Variants in AP2A1 observed in about 807,000 individuals in gnomAD.
AP2A1 encodes AP-2 complex subunit alpha-1.
AP2A1 carries 21 observed loss-of-function variants against 107.3 expected under a neutral mutation model. The ratio of observed to expected loss-of-function variants is 0.20; its 90% CI spans 0.14 to 0.28. The LOEUF (loss-of-function observed/expected upper bound fraction) is 0.28. AP2A1 is among the 10% of genes least tolerant of loss of function. The pLI, the probability that AP2A1 is intolerant of heterozygous loss-of-function variation, is 1.00. For synonymous variants in AP2A1, 602 were observed against 564.8 expected, an observed-to-expected ratio of 1.07 and a Z score of -0.93; for missense variants, 873 against 1,307.7, an observed-to-expected ratio of 0.67 and a Z score of 5.13.
In AP2A1 at chr19:49,802,636, G is replaced by C. The variant is rs757646981; in HGVS notation, c.2115-313G>C. On this transcript the variant is annotated intron_variant, in intron 15 of 22. Coordinates refer to ENST00000354293, the MANE Select transcript of AP2A1 (RefSeq NM_130787.3). Reference sequence around the variant, plus strand: ...CCTGGGGTGGGAGGTCGGTCGGGGGGGCGGACTCGGGTGTCCCCAGGGAGA... The same window carrying C: ...CCTGGGGTGGGAGGTCGGTCGGGGGCGCGGACTCGGGTGTCCCCAGGGAGA... 3 of 1,507,910 alleles carry C rather than the reference G, an allele frequency of 2.0e-6. No individual in the cohort carries two copies. In the Admixed American group the frequency reaches 6.1e-5, roughly 31 times the overall value. The allele number at this position is 1,507,910 out of a possible 1,614,324, so 93.4% of individuals were successfully genotyped here.
At position 49,800,115 on chromosome 19, in the gene AP2A1, G is replaced by A. The variant is rs773683243; in HGVS notation, c.1420G>A (p.Asp474Asn). The A allele has an allele frequency of 6.2e-7, 1 of 1,613,744 alleles. No individual in the cohort carries two copies. The highest frequency in any genetic ancestry group is 1.1e-5 in the South Asian group (1 of 91,046). ...RVLQIVTNRD[D>N]VQGYAAKTVF... is the part of the protein sequence containing the mutation. ...GCTACAGATCGTCACCAACCGTGAT[G>A]ACGTCCAGGGCTATGCCGCCAAGAC... The change falls in exon 11 of 23, where the codon GAC (aspartate) becomes AAC (asparagine). Residue 474 changes from aspartate to asparagine, a missense_variant. Around this residue, in one of 4 missense-constraint regions of AP2A1, gnomAD observed 213 missense variants for 443.5 expected, o/e 0.48. Transcript: ENST00000354293.
chr19:49,787,680 G>C (rs375480419), intron 4 of AP2A1, among the ~76,000 whole-genome samples: 7 of 152,042 alleles, frequency 4.6e-5, no homozygotes, highest in African/African-American at 1.7e-4. Context: ...TCAGTTCAGT[G>C]GTTTCTAGTA....
rs1437761857 is a variant in AP2A1 at position 49,801,985 on chromosome 19, C to T, written c.1958C>T (p.Thr653Met). Residue 653 changes from threonine (T) to methionine (M), a missense_variant, in exon 15 of 23, where the codon ACG becomes ATG. Thr to Met is a moderately conservative substitution (Grantham distance 81). This residue lies in a region of AP2A1 where 416 missense variants were observed against 473.4 expected (regional missense o/e 0.88). Transcript: ENST00000354293. ...CGTGACCTGCGCTTCCTACAGTCGA[C>T]GCCCTCGCCCTCCGCCGACCTCCTG... ...GMEPTPSTVS[T>M]PSPSADLLGL... 2.7e-6 allele frequency: 4 copies of T among 1,507,200 alleles called. No individual in the cohort carries two copies. The highest frequency in any genetic ancestry group is 2.2e-5 in the Admixed American group (1 of 44,698). The allele number at this position is 1,507,200 out of a possible 1,614,324, so 93.4% of individuals were successfully genotyped here.
At chr19:49,775,160 C>T (rs775494847) in intron 1 of AP2A1, among the ~76,000 whole-genome samples, 5 of 151,824 alleles carry the variant, frequency 3.3e-5, no homozygotes, top group South Asian at 2.1e-4. Flanking sequence ...CCCAGGAGGT[C>T]GAGGTTGCAA....
chr19:49,781,984 T>C lies in AP2A1; in HGVS notation c.174T>C (p.Tyr58=), dbSNP rs754946999. ...TGGATGGCTACAGTAAGAAAAAATATGTGTGTAAACTGCTTTTCATCTTCC... is the reference window on the plus strand; with the variant it reads ...TGGATGGCTACAGTAAGAAAAAATACGTGTGTAAACTGCTTTTCATCTTCC... ...KALDGYSKKK[Y]VCKLLFIFLL... The change falls in exon 3 of 23, where the codon TAT becomes TAC. Residue 58 remains tyrosine, a synonymous_variant. Coordinates refer to ENST00000354293, the MANE Select transcript of AP2A1 (RefSeq NM_130787.3). 2.5e-6 allele frequency: 4 copies of C among 1,611,928 alleles called. No individual in the cohort carries two copies. The highest frequency in any genetic ancestry group is 1.1e-5 in the South Asian group (1 of 90,650).
intron 18 of AP2A1, chr19:49,803,727 C>T (rs775218876): frequency 8.5e-5 from 32 of 377,298 alleles, no homozygotes; most frequent in Non-Finnish European, 1.4e-4. Flanking sequence ...CGGGTCCAGA[C>T]GCTGATCAGG....
Position 49,803,707 on chromosome 19 carries a change from G to A in AP2A1, c.2344+331G>A, listed in dbSNP as rs1056325580. ...ATGCCAGCACCGCCTGCACTCAGGA[G>A]CCAGGCCTGCGGGTCCAGACGCTGA... On this transcript the variant is annotated intron_variant, in intron 18 of 22. Coordinates refer to ENST00000354293, the MANE Select transcript of AP2A1 (RefSeq NM_130787.3). 6 of 394,540 alleles carry A rather than the reference G, an allele frequency of 1.5e-5. No individual in the cohort carries two copies. In the East Asian group the frequency reaches 3.6e-4, roughly 24 times the overall value. The allele number at this position is 394,540 out of a possible 1,614,324, so 24.4% of individuals were successfully genotyped here.
chr19:49,776,199 C>G (rs1313402026), intron 1 of AP2A1, among the ~76,000 whole-genome samples: 2 of 152,028 alleles, frequency 1.3e-5, no homozygotes, highest in Non-Finnish European at 2.9e-5. Flanking sequence ...TCCACCCGCC[C>G]CCGCCGCCGC....
intron 1 of AP2A1, among the ~76,000 whole-genome samples, chr19:49,774,647 G>A (rs1346988673): frequency 6.6e-6 from 1 of 152,112 alleles, no homozygotes; most frequent in East Asian, 1.9e-4. Context: ...CAGGGGCCAG[G>A]TATGGTGGCT....
chr19:49,801,319 G>T (rs913381064), intron 12 of AP2A1, 71 bp from the exon 13 acceptor site: 24 of 1,463,108 alleles, frequency 1.6e-5, no homozygotes, highest in Non-Finnish European at 2.2e-5. Flanking sequence ...CTAGGGAGGG[G>T]CACCTCTCGA....
chr19:49,806,239 A>G lies in AP2A1; in HGVS notation c.2776A>G (p.Asn926Asp). 3.1e-6 allele frequency: 5 copies of G among 1,607,564 alleles called. No individual in the cohort carries two copies. Among genetic ancestry groups the G allele is most frequent in the Non-Finnish European group, 4.2e-6 (5 of 1,177,468 alleles). ...GGGCTGTCTGCTTCGGCTGGAGCCC[A>G]ATGCCCAGGCCCAGGTGAGTGCTGC... ...QVGCLLRLEP[N>D]AQAQMYRLTL... Residue 926 changes from asparagine to aspartate, a missense_variant, in exon 22 of 23, where the codon AAT (asparagine) becomes GAT (aspartate). This residue lies in a region of AP2A1 where 416 missense variants were observed against 473.4 expected (regional missense o/e 0.88). Coordinates refer to ENST00000354293, the MANE Select transcript of AP2A1 (RefSeq NM_130787.3).
intron 12 of AP2A1, 84 bp from the exon 13 acceptor site, chr19:49,801,306 A>G (rs1325195165): frequency 4.3e-6 from 6 of 1,395,354 alleles, no homozygotes; most frequent in Non-Finnish European, 5.9e-6. Context: ...GGACGGGTCC[A>G]TCCTAGGGAG....
Position 49,805,726 on chromosome 19 carries a change from C to G in AP2A1, c.2534C>G (p.Pro845Arg). 6 of 1,577,764 alleles carry G rather than the reference C, an allele frequency of 3.8e-6. No individual in the cohort carries two copies. Among genetic ancestry groups the G allele is most frequent in the Non-Finnish European group, 5.2e-6 (6 of 1,163,234 alleles). ...GTGACCATCAACAAGTTCTTCCAGC[C>G]CACCGAGATGGCGGCCCAGGATTTC... ...LPVTINKFFQ[P>R]TEMAAQDFFQ... is the part of the protein sequence containing the mutation. Residue 845 changes from proline (P) to arginine (R), a missense_variant, in exon 20 of 23, where the codon CCC becomes CGC. Pro to Arg is a moderately radical substitution (Grantham distance 103, BLOSUM62 -2). Around this residue, in one of 4 missense-constraint regions of AP2A1, gnomAD observed 416 missense variants for 473.4 expected, o/e 0.88. Transcript: ENST00000354293.
chr19:49,802,368 C>T, intron 15 of AP2A1: 1 of 892,094 alleles, frequency 1.1e-6, no homozygotes, highest in Non-Finnish European at 1.8e-6. Context: ...CCTTCGTTGT[C>T]TCCTTTCCTG....
chr19:49,781,974 A>C lies in AP2A1; in HGVS notation c.164A>C (p.Lys55Thr), dbSNP rs751460855. 1 of 1,612,654 alleles carries C rather than the reference A, an allele frequency of 6.2e-7. No individual in the cohort carries two copies. Among genetic ancestry groups the C allele is most frequent in the Non-Finnish European group, 8.5e-7 (1 of 1,179,342 alleles). ...GACAAAGCCTTGGATGGCTACAGTA[A>C]GAAAAAATATGTGTGTAAACTGCTT... Reference protein sequence around the residue: ...KGDKALDGYSKKKYVCKLLFI... With the variant: ...KGDKALDGYSTKKYVCKLLFI... The change falls in exon 3 of 23, where the codon AAG becomes ACG. Residue 55 changes from lysine to threonine, a missense_variant. Physicochemically the swap from Lys to Thr is moderately conservative, Grantham distance 78. Coordinates refer to ENST00000354293, the MANE Select transcript of AP2A1 (RefSeq NM_130787.3).
At chr19:49,774,855 G>A (rs958153267) in intron 1 of AP2A1, among the ~76,000 whole-genome samples, 4 of 151,266 alleles carry the variant, frequency 2.6e-5, no homozygotes, top group Admixed American at 6.6e-5. Flanking sequence ...GGAGGTGGAG[G>A]TTGCAGTGAG....
chr19:49,798,777 G>T, intron 7 of AP2A1, 25 bp from the exon 8 acceptor site: 1 of 1,595,124 alleles, frequency 6.3e-7, no homozygotes. Flanking sequence ...ACACTCAGCC[G>T]GGGGCGTCCC....
intron 15 of AP2A1, chr19:49,802,584 C>G (rs769044271): frequency 6.2e-7 from 1 of 1,601,624 alleles, no homozygotes; most frequent in South Asian, 1.1e-5. Flanking sequence ...CTGGCTGACC[C>G]AGCTCCAGCT....
In AP2A1 at chr19:49,781,825, G is replaced by A; in HGVS notation, c.136G>A (p.Gly46Arg). ...GGCCAACATCCGCTCCAAGTTCAAAGGTAGGCTGGGGGCCCAACTTCTGGT... is the reference window on the plus strand; with the variant it reads ...GGCCAACATCCGCTCCAAGTTCAAAAGTAGGCTGGGGGCCCAACTTCTGGT... The part of the protein sequence containing the change: ...ELANIRSKFK[G>R]DKALDGYSKK... Residue 46 changes from glycine (G) to arginine (R), a missense_variant and splice_region_variant, in exon 2 of 23, where the codon GGA (glycine) becomes AGA (arginine). Physicochemically the swap from Gly to Arg is moderately radical, Grantham distance 125. Around this residue, in one of 4 missense-constraint regions of AP2A1, gnomAD observed 87 missense variants for 178.2 expected, o/e 0.49. Coordinates refer to ENST00000354293, the MANE Select transcript of AP2A1 (RefSeq NM_130787.3). 6.2e-7 allele frequency: 1 copy of A among 1,610,430 alleles called. No individual in the cohort carries two copies. The highest frequency in any genetic ancestry group is 8.5e-7 in the Non-Finnish European group (1 of 1,178,174).
Sources: allele counts gnomAD v4.1 joint callset (sites outside exome capture counted in the v4.1 genomes callset), GRCh38; gene constraint gnomAD v4.1.1; regional missense constraint gnomAD v4.1.1; transcripts MANE v1.5; gene names NCBI Gene and HGNC (gene_info 2026-07-23, HGNC 2026-07-21).